The following RGS3 variants were observed in gnomAD, a reference collection of about 807,000 sequenced individuals.
RGS3 encodes regulator of G protein signaling 3.
RGS3 carries 80 observed loss-of-function variants against 132.6 expected under a neutral mutation model. That is an observed-to-expected ratio of 0.60 (90% CI 0.50 to 0.73). RGS3 has a LOEUF of 0.73. Ranked by LOEUF, RGS3 falls within the 30% of genes least tolerant of loss-of-function variation. The pLI is 0.00. For synonymous variants in RGS3, 598 were observed against 620.6 expected, an observed-to-expected ratio of 0.96 and a Z score of 0.54; for missense variants, 1,382 against 1,530.8, an observed-to-expected ratio of 0.90 and a Z score of 1.62.
Position 113,514,669 on chromosome 9 carries a change from G to T in RGS3, c.1674+15G>T. 1 of 1,611,250 alleles carries T rather than the reference G, an allele frequency of 6.2e-7. No individual in the cohort carries two copies. Among genetic ancestry groups the T allele is most frequent in the South Asian group, 1.1e-5 (1 of 90,914 alleles). On this transcript the variant is annotated intron_variant, in intron 15 of 24. Coordinates refer to ENST00000350696, the Ensembl canonical transcript of RGS3. ...TCTTTGTTCAGGTGAGCCCGTGGCT[G>T]GTCTTAAAGGTTCCCTCAGGAGGAA...
chr9:113,557,796 G>A (rs1384851735), intron 19 of RGS3, among the ~76,000 whole-genome samples: 5 of 151,750 alleles, frequency 3.3e-5, no homozygotes, highest in African/African-American at 9.7e-5. Context: ...GGGGAGGCTT[G>A]GGATGTAAGG....
intron 7 of RGS3, among the ~76,000 whole-genome samples, chr9:113,490,089 A>G (rs1830461004): frequency 6.6e-6 from 1 of 152,164 alleles, no homozygotes; most frequent in Non-Finnish European, 1.5e-5. Context: ...AGCTTTGACT[A>G]GCTGTATGAC....
At chr9:113,536,416 G>C in intron 18 of RGS3, 3 of 917,850 alleles carry the variant, frequency 3.3e-6, no homozygotes, top group Non-Finnish European at 3.9e-6. Flanking sequence ...TGGCTCCACA[G>C]AGAATCAGCC....
chr9:113,500,034 G>A (rs1307611805), intron 10 of RGS3, among the ~76,000 whole-genome samples: 2 of 152,134 alleles, frequency 1.3e-5, no homozygotes, highest in African/African-American at 4.8e-5. Context: ...AATTACATGG[G>A]CATCAACACC....
intron 19 of RGS3, among the ~76,000 whole-genome samples, chr9:113,573,538 A>G (rs1398283654): frequency 2.6e-5 from 4 of 152,202 alleles, no homozygotes; most frequent in Non-Finnish European, 5.9e-5. Context: ...GGCTGACCTC[A>G]TGACTGCAGT....
At chr9:113,580,697 G>C in intron 19 of RGS3, 2 of 638,426 alleles carry the variant, frequency 3.1e-6, no homozygotes, top group Non-Finnish European at 3.9e-6. Flanking sequence ...CCCTCTGGGG[G>C]CAGTACCCCT....
chr9:113,459,673 C>G (rs2119155482), upstream of RGS3, among the ~76,000 whole-genome samples: 1 of 152,118 alleles, frequency 6.6e-6, no homozygotes, highest in Non-Finnish European at 1.5e-5. Flanking sequence ...TCGCTTGAAC[C>G]TGGGAGTGAG....
intron 3 of RGS3, among the ~76,000 whole-genome samples, chr9:113,466,808 G>A (rs1387250189): frequency 6.6e-6 from 1 of 152,132 alleles, no homozygotes; most frequent in Admixed American, 6.5e-5. Context: ...ACAGAGATGT[G>A]TAACTATTAT....
chr9:113,580,943 G>GT, intron 19 of RGS3: 1 of 985,436 alleles, frequency 1.0e-6, no homozygotes, highest in Non-Finnish European at 1.2e-6. Flanking sequence ...GTGCCACTCC[G>GT]TGCCAGGCCC....
chr9:113,480,109 A>ACT (rs1830112383), intron 4 of RGS3, among the ~76,000 whole-genome samples: 1 of 152,188 alleles, frequency 6.6e-6, no homozygotes, highest in Non-Finnish European at 1.5e-5. Context: ...CTGTTAGTAA[A>ACT]GTGCTTAGAA....
At chr9:113,541,288 C>G in intron 19 of RGS3, 3 of 1,603,936 alleles carry the variant, frequency 1.9e-6, no homozygotes, top group Non-Finnish European at 2.6e-6. Flanking sequence ...GAGTAGACAG[C>G]GAGCTAATTC....
chr9:113,457,089 C>T (rs111486091), upstream of RGS3, among the ~76,000 whole-genome samples: 3,411 of 152,326 alleles, frequency 0.022, 55 homozygotes, highest in Non-Finnish European at 0.036. Context: ...AGTCACCGCG[C>T]CTGGCCGAGG....
Position 113,524,456 on chromosome 9 carries a change from C to T in RGS3, c.1870+1415C>T, listed in dbSNP as rs191101361. On this transcript the variant is annotated intron_variant, in intron 17 of 24. Transcript: ENST00000350696. ...TCTCTCTGTTGTGCACATTACAAGG[C>T]TGAAGCTATAACCCAGGACCCTGGT... is the stretch of plus-strand genomic sequence containing the variant. Among the ~76,000 whole-genome samples, 48 of 152,310 alleles carry T rather than the reference C, an allele frequency of 3.2e-4. No individual in the cohort carries two copies. The East Asian group carries it at 7.9e-3, about 25-fold the overall frequency.
At chr9:113,510,617 A>G (rs1388457992) in intron 14 of RGS3, among the ~76,000 whole-genome samples, 1 of 152,116 alleles carries the variant, frequency 6.6e-6, no homozygotes, top group African/African-American at 2.4e-5. Flanking sequence ...GTTGAGAGGT[A>G]CTTCTGTGTC....
In RGS3 at chr9:113,591,318, G is replaced by A. The variant is rs747638837; in HGVS notation, c.3016-15G>A. The A allele has an allele frequency of 6.2e-7, 1 of 1,612,758 alleles. No homozygotes were observed. Among genetic ancestry groups the A allele is most frequent in the South Asian group, 1.1e-5 (1 of 91,080 alleles). On this transcript the variant is annotated splice_polypyrimidine_tract_variant and intron_variant, in intron 20 of 24. Coordinates refer to ENST00000350696, the Ensembl canonical transcript of RGS3. This position sits in a 1 kb window ranked among gnomAD's most constrained non-coding sequence, Gnocchi z 4.4. Reference sequence around the variant, plus strand: ...TGGGTGCCCAGACTGCATCGTGTCTGTCTTCTCTCCGCAGATGAGCGGGGC... The same window carrying A: ...TGGGTGCCCAGACTGCATCGTGTCTATCTTCTCTCCGCAGATGAGCGGGGC...
exon 17 of RGS3, chr9:113,522,973 A>G (rs1371205106): frequency 6.2e-7 from 1 of 1,614,142 alleles, no homozygotes; most frequent in African/African-American, 1.3e-5. Context: ...TTCACCAAGG[A>G]GGACGAGCCT....
chr9:113,473,461 C>T (rs574443342), intron 3 of RGS3, among the ~76,000 whole-genome samples: 13 of 152,292 alleles, frequency 8.5e-5, no homozygotes, highest in African/African-American at 2.6e-4. Flanking sequence ...TGGCTCACTA[C>T]AGCCTCAACC....
intron 20 of RGS3, among the ~76,000 whole-genome samples, chr9:113,584,700 C>A (rs139831033): frequency 6.6e-6 from 1 of 152,302 alleles, no homozygotes; most frequent in East Asian, 1.9e-4. Flanking sequence ...GTAGCTTAGC[C>A]CAGGCCATTG....
rs573513428 is a variant in RGS3, at chr9:113,525,258, A to G, written c.1870+2217A>G. On this transcript the variant is annotated intron_variant, in intron 17 of 24. Coordinates refer to ENST00000350696, the Ensembl canonical transcript of RGS3. ...AAATGGCTCCATTTCTAGGTGCACA[A>G]TCCAACGCTTAGATTTCTTTCCAGG... is the stretch of plus-strand genomic sequence containing the variant. Among the ~76,000 whole-genome samples, 5 of 152,228 alleles carry G rather than the reference A, an allele frequency of 3.3e-5. No individual in the cohort carries two copies. In the East Asian group the frequency reaches 9.7e-4, roughly 29 times the overall value.
Sources: gnomAD v4.1 joint callset for allele counts (sites outside exome capture counted in the v4.1 genomes callset) on GRCh38, gnomAD v4.1.1 for gene constraint, Gnocchi (gnomAD v3.1) non-coding constraint, MANE v1.5 for transcripts, NCBI Gene and HGNC (gene_info 2026-07-23, HGNC 2026-07-21) for gene names.